The following AP2A2 variants were observed in gnomAD, a reference collection of about 807,000 sequenced individuals.
The protein encoded by AP2A2 is AP-2 complex subunit alpha-2.
In AP2A2, 32 loss-of-function variants were observed where a neutral mutation model predicts 104.2. The ratio of observed to expected loss-of-function variants is 0.31; its 90% CI spans 0.23 to 0.41. The LOEUF is 0.41. AP2A2 is among the 10% of genes least tolerant of loss of function. AP2A2 has a pLI of 1.00. For missense variants in AP2A2, 912 were observed against 1,261.0 expected (o/e 0.72, Z 4.19); for synonymous variants, 539 against 533.3 (o/e 1.01, Z -0.15).
intron 1 of AP2A2, among the ~76,000 whole-genome samples, chr11:958,419 A>G (rs1854309947): frequency 6.6e-6 from 1 of 152,238 alleles, no homozygotes; most frequent in African/African-American, 2.4e-5. Context: ...TATGACCATG[A>G]GGAATTACAG....
chr11:992,777 C>G lies in AP2A2; in HGVS notation c.1452+92C>G, dbSNP rs549678526. The G allele has an allele frequency of 6.9e-7, 1 of 1,439,368 alleles. No homozygotes were observed. The allele number at this position is 1,439,368 out of a possible 1,614,324, so 89.2% of individuals were successfully genotyped here. A position where few individuals can be genotyped will look rare whatever the true frequency, so the allele number is the denominator to read the frequency against. ...TTCCAGCCTGCCTGCGTGGAGGTGC[C>G]GAGGGCCGTTGCTGACCCCTCTTGC... On this transcript the variant is annotated intron_variant, in intron 11 of 21. Coordinates refer to ENST00000448903, the MANE Select transcript of AP2A2 (RefSeq NM_012305.4). This position sits in a 1 kb window ranked among gnomAD's most constrained non-coding sequence, Gnocchi z 6.4.
At chr11:935,603 G>GTTTTTTTTGTTTTTTTTTTTT (rs1371841792) in intron 1 of AP2A2, among the ~76,000 whole-genome samples, 11 of 77,960 alleles carry the variant, frequency 1.4e-4, no homozygotes, top group African/African-American at 4.7e-4. Context: ...TGCCCGGCCA[G>GTTTTTTTTGTTTTTTTTTTTT]TTTTTTTTTT....
chr11:1,003,296 T>G (rs1856085378), intron 15 of AP2A2, among the ~76,000 whole-genome samples: 1 of 152,170 alleles, frequency 6.6e-6, no homozygotes, highest in African/African-American at 2.4e-5. Context: ...TGCCCGTGCA[T>G]GCGTGTGCAT....
intron 4 of AP2A2, among the ~76,000 whole-genome samples, chr11:973,097 G>T (rs568982711): frequency 2.0e-4 from 30 of 152,342 alleles, no homozygotes; most frequent in African/African-American, 7.2e-4. Context: ...TCGCCCACAC[G>T]GTGCCACCCG....
At chr11:1,006,261 G>T (rs1856201263) in intron 16 of AP2A2, among the ~76,000 whole-genome samples, 1 of 152,266 alleles carries the variant, frequency 6.6e-6, no homozygotes, top group African/African-American at 2.4e-5. Flanking sequence ...CCCATCCCGT[G>T]TGGGTGCGCA....
intron 16 of AP2A2, among the ~76,000 whole-genome samples, chr11:1,005,572 G>T (rs1856176201): frequency 1.3e-5 from 2 of 152,256 alleles, no homozygotes; most frequent in Non-Finnish European, 2.9e-5. Flanking sequence ...CCCTGTGGCT[G>T]CAGGGGCCCT....
Position 1,011,745 on chromosome 11 carries a change from T to C in AP2A2, c.*1120T>C, listed in dbSNP as rs183927783. 4.3e-3 allele frequency: 1,406 copies of C among 330,480 alleles called. 3 individuals carry two copies. The highest frequency in any genetic ancestry group is 7.3e-3 in the Non-Finnish European group (1,211 of 166,576). 20.5% of individuals were successfully genotyped at this position (330,480 alleles called of 1,614,324 possible). ...TGACATGCTGTGGAGGCAGGGAGGGTGGGTGGCCACATGTGCTTGAGGGTT... is the reference window on the plus strand; with the variant it reads ...TGACATGCTGTGGAGGCAGGGAGGGCGGGTGGCCACATGTGCTTGAGGGTT... On this transcript the variant is annotated 3_prime_UTR_variant, in exon 22 of 22. Transcript: ENST00000448903.
chr11:997,895 ACTCGGT>A (rs1855905087), intron 14 of AP2A2, among the ~76,000 whole-genome samples: 1 of 152,152 alleles, frequency 6.6e-6, no homozygotes, highest in South Asian at 2.1e-4. Context: ...ACAGAGTGAG[ACTCGGT>A]CTCAAAAAAA....
At position 1,010,827 on chromosome 11, in the gene AP2A2, G is replaced by T. The variant is rs1856402782; in HGVS notation, c.*202G>T. ...CAGGAGGAAAAGCTCAGCCTGGACT[G>T]TGGCAGCCACGGCAGAAGGTGGATC... On this transcript the variant is annotated 3_prime_UTR_variant, in exon 22 of 22. Coordinates refer to ENST00000448903, the MANE Select transcript of AP2A2 (RefSeq NM_012305.4). The T allele has an allele frequency of 6.1e-6, 4 of 651,226 alleles. No individual in the cohort carries two copies. Among genetic ancestry groups the T allele is most frequent in the Non-Finnish European group, 1.1e-5 (4 of 360,258 alleles). The allele number at this position is 651,226 out of a possible 1,614,324, so 40.3% of individuals were successfully genotyped here.
chr11:1,000,692 G>A, intron 15 of AP2A2, 94 bp downstream of exon 15: 2 of 1,361,548 alleles, frequency 1.5e-6, no homozygotes, highest in Non-Finnish European at 9.8e-7. Flanking sequence ...GAGGTGGGCA[G>A]CGGAGTTTAC....
intron 1 of AP2A2, among the ~76,000 whole-genome samples, chr11:947,277 C>G (rs1420664809): frequency 6.6e-6 from 1 of 152,124 alleles, no homozygotes; most frequent in African/African-American, 2.4e-5. Context: ...TCCCAAAGAG[C>G]TGAGATTGCA....
chr11:964,380 C>T lies in AP2A2; in HGVS notation c.136+4875C>T, dbSNP rs189875296. On this transcript the variant is annotated intron_variant, in intron 2 of 21. Coordinates refer to ENST00000448903, the MANE Select transcript of AP2A2 (RefSeq NM_012305.4). ...GACCTGGAGTTCTGGGGCTTCTCTGCGGGGCACCAGTCTGTAGGCTCCATT... is the reference window on the plus strand; with the variant it reads ...GACCTGGAGTTCTGGGGCTTCTCTGTGGGGCACCAGTCTGTAGGCTCCATT... 1.4e-4 allele frequency among the ~76,000 whole-genome samples: 22 copies of T among 152,304 alleles called. No homozygotes were observed. In the East Asian group the frequency reaches 1.5e-3, roughly 11 times the overall value.
chr11:963,480 T>C (rs552849700), intron 2 of AP2A2, among the ~76,000 whole-genome samples: 15 of 152,180 alleles, frequency 9.9e-5, no homozygotes, highest in Non-Finnish European at 2.2e-4. Flanking sequence ...ACCAGGTCTT[T>C]GAAGTCTGGT....
chr11:986,721 ACT>A (rs1326506271), intron 8 of AP2A2, 62 bp from the exon 9 acceptor site: 80 of 1,567,764 alleles, frequency 5.1e-5, no homozygotes, highest in East Asian at 1.8e-4. Flanking sequence ...GGGAACGCAG[ACT>A]CTGTCCAGTT....
At chr11:998,982 G>A (rs1323046599) in intron 14 of AP2A2, among the ~76,000 whole-genome samples, 7 of 151,890 alleles carry the variant, frequency 4.6e-5, no homozygotes, top group Non-Finnish European at 5.9e-5. Flanking sequence ...GTGAGCCACC[G>A]TGCCAGGCTG....
chr11:977,181 A>T lies in AP2A2; in HGVS notation c.560A>T (p.Asp187Val). The T allele has an allele frequency of 6.2e-7, 1 of 1,612,150 alleles. No individual in the cohort carries two copies. The change falls in exon 5 of 22, where the codon GAC (aspartate) becomes GTC (valine). Residue 187 changes from aspartate (D) to valine (V), a missense_variant. Physicochemically the swap from Asp to Val is radical, Grantham distance 152. Around this residue, in one of 7 missense-constraint regions of AP2A2, gnomAD observed 350 missense variants for 487.0 expected, o/e 0.72. Transcript: ENST00000448903. Reference protein sequence around the residue: ...RTSPDLVPMGDWTSRVVHLLN... With the variant: ...RTSPDLVPMGVWTSRVVHLLN... ...TCCCCCGATCTTGTCCCCATGGGCG[A>T]CTGGACATCCCGAGTGGTGCACCTG...
intron 2 of AP2A2, among the ~76,000 whole-genome samples, chr11:964,806 A>G (rs1306327171): frequency 7.4e-6 from 1 of 135,794 alleles, no homozygotes; most frequent in African/African-American, 2.6e-5. Flanking sequence ...GGAAGCGTGG[A>G]AATGGAAAGC....
chr11:994,127 C>T lies in AP2A2; in HGVS notation c.1838C>T (p.Ala613Val). The T allele has an allele frequency of 1.2e-6, 2 of 1,613,096 alleles. No individual in the cohort carries two copies. The highest frequency in any genetic ancestry group is 1.7e-6 in the Non-Finnish European group (2 of 1,179,844). The change falls in exon 14 of 22, where the codon GCA (alanine) becomes GTA (valine). Residue 613 changes from alanine (A) to valine (V), a missense_variant. By Grantham distance (64) the Ala-to-Val change is moderately conservative (BLOSUM62 0). Transcript: ENST00000448903. ...CCGGAGCGGGAGTCCTCCATCTTGG[C>T]AAAGCTCAAGAAGAAGAAGGGCCCC... ...PFPERESSIL[A>V]KLKKKKGPST...
intron 1 of AP2A2, among the ~76,000 whole-genome samples, chr11:955,403 C>A (rs1854202172): frequency 1.3e-5 from 2 of 152,246 alleles, no homozygotes; most frequent in Admixed American, 1.3e-4. Flanking sequence ...CCTGTACCTG[C>A]TGTCCTGCTT....
Sources: allele counts gnomAD v4.1 joint callset (sites outside exome capture counted in the v4.1 genomes callset), GRCh38; gene constraint gnomAD v4.1.1; regional missense constraint gnomAD v4.1.1; non-coding constraint Gnocchi (gnomAD v3.1); transcripts MANE v1.5; gene names NCBI Gene and HGNC (gene_info 2026-07-23, HGNC 2026-07-21).